SND1: variants seen among roughly 807,000 people sequenced by gnomAD.
The protein encoded by SND1 is staphylococcal nuclease domain-containing protein 1.
SND1 carries 38 observed loss-of-function variants against 121.7 expected under a neutral mutation model. The ratio of observed to expected loss-of-function variants is 0.31; its 90% CI spans 0.24 to 0.41. The LOEUF (loss-of-function observed/expected upper bound fraction) is 0.41, where lower values mean the gene tolerates loss of function less well. Ranked by LOEUF, SND1 falls within the 10% of genes least tolerant of loss-of-function variation. The probability of loss-of-function intolerance (pLI) is 1.00; values close to 1 mark genes in which losing one functional copy is unlikely to be tolerated. For missense variants in SND1, 868 were observed against 1,184.6 expected, an observed-to-expected ratio of 0.73 and a Z score of 3.92; for synonymous variants, 401 against 447.4, an observed-to-expected ratio of 0.90 and a Z score of 1.31.
chr7:127,856,013 T>A (rs1799265972), intron 12 of SND1, among the ~76,000 whole-genome samples: 1 of 152,220 alleles, frequency 6.6e-6, no homozygotes, highest in African/African-American at 2.4e-5. Context: ...TGTATTAGTC[T>A]CCTCACATCA....
chr7:127,855,221 G>A (rs1799252643), intron 12 of SND1, among the ~76,000 whole-genome samples: 1 of 152,002 alleles, frequency 6.6e-6, no homozygotes, highest in Admixed American at 6.6e-5. Flanking sequence ...GTGGGCTCAG[G>A]TGATCCTCCC....
intron 13 of SND1, among the ~76,000 whole-genome samples, chr7:127,891,742 C>T (rs1180527819): frequency 1.3e-5 from 2 of 152,128 alleles, no homozygotes; most frequent in Admixed American, 6.6e-5. Context: ...CCCCAAGTCT[C>T]TCACTGCTTG....
At chr7:127,658,862 C>T (rs975560167) in intron 1 of SND1, among the ~76,000 whole-genome samples, 4 of 152,134 alleles carry the variant, frequency 2.6e-5, no homozygotes, top group African/African-American at 9.7e-5. Context: ...AGAAAATTGG[C>T]CAGGTTTTTG....
intron 13 of SND1, among the ~76,000 whole-genome samples, chr7:127,892,717 T>G (rs1444618742): frequency 1.3e-5 from 2 of 152,104 alleles, no homozygotes; most frequent in Admixed American, 6.6e-5. Flanking sequence ...CTTCTTTATC[T>G]CATAGACTTC....
intron 16 of SND1, among the ~76,000 whole-genome samples, chr7:128,038,531 G>A (rs1017626093): frequency 6.6e-6 from 1 of 152,168 alleles, no homozygotes; most frequent in East Asian, 1.9e-4. Context: ...TACGGAAACC[G>A]GTATAGAAGA....
chr7:128,050,581 A>G (rs1793028523), intron 16 of SND1, among the ~76,000 whole-genome samples: 1 of 152,098 alleles, frequency 6.6e-6, no homozygotes, highest in African/African-American at 2.4e-5. Context: ...ATCCCCAGCA[A>G]TTTTGCCATT....
At chr7:128,028,821 T>C (rs1792480640) in intron 16 of SND1, 1 of 1,614,068 alleles carries the variant, frequency 6.2e-7, no homozygotes. Flanking sequence ...GTAGGTGTTG[T>C]AGTTAATATG....
intron 10 of SND1, among the ~76,000 whole-genome samples, chr7:127,723,891 A>G (rs901494868): frequency 5.9e-5 from 9 of 152,268 alleles, no homozygotes; most frequent in African/African-American, 2.2e-4. Context: ...TTTAATGAAT[A>G]TGAAAAATAA....
intron 10 of SND1, among the ~76,000 whole-genome samples, chr7:127,760,694 A>G (rs545775066): frequency 2.0e-5 from 3 of 152,206 alleles, no homozygotes; most frequent in Non-Finnish European, 4.4e-5. Flanking sequence ...CTCTTTGCCA[A>G]CATTAAGGGA....
chr7:127,869,545 A>G (rs1404950008), intron 12 of SND1, among the ~76,000 whole-genome samples: 1 of 152,134 alleles, frequency 6.6e-6, no homozygotes, highest in Non-Finnish European at 1.5e-5. Context: ...TTAAAATCCC[A>G]TTGACTTTTT....
chr7:127,907,208 T>C (rs1800359311), intron 14 of SND1, among the ~76,000 whole-genome samples: 1 of 152,216 alleles, frequency 6.6e-6, no homozygotes, highest in Admixed American at 6.5e-5. Context: ...CCCTCTTTAA[T>C]AGAGGAGTTT....
chr7:128,034,715 C>T (rs1307367723), intron 16 of SND1, among the ~76,000 whole-genome samples: 1 of 152,202 alleles, frequency 6.6e-6, no homozygotes, highest in African/African-American at 2.4e-5. Context: ...CAAGCTCTGT[C>T]GAGCTCTACA....
chr7:128,074,752 G>A, intron 17 of SND1, 62 bp downstream of exon 17: 3 of 1,458,334 alleles, frequency 2.1e-6, no homozygotes, highest in South Asian at 1.3e-5. Flanking sequence ...CACTAATGCT[G>A]CTGCCTCCAG....
At chr7:128,046,238 T>C (rs1310880209) in intron 16 of SND1, among the ~76,000 whole-genome samples, 1 of 151,996 alleles carries the variant, frequency 6.6e-6, no homozygotes, top group Non-Finnish European at 1.5e-5. Flanking sequence ...GCTGGGACTA[T>C]AGATGGGTGC....
chr7:127,822,629 A>G (rs1317139519), intron 11 of SND1, among the ~76,000 whole-genome samples: 1 of 152,148 alleles, frequency 6.6e-6, no homozygotes, highest in Non-Finnish European at 1.5e-5. Flanking sequence ...AAAAACCCCT[A>G]CCATTCAGGG....
intron 12 of SND1, among the ~76,000 whole-genome samples, chr7:127,872,935 A>G (rs1799624965): frequency 6.6e-6 from 1 of 152,198 alleles, no homozygotes; most frequent in Non-Finnish European, 1.5e-5. Context: ...GACCTACATC[A>G]CATTTACCTT....
intron 16 of SND1, chr7:127,999,092 A>C (rs964806412): frequency 6.6e-6 from 1 of 152,306 alleles, no homozygotes; most frequent in East Asian, 1.9e-4. Flanking sequence ...ATATGGGCTG[A>C]CTGGTGTAGG....
chr7:128,058,259 G>A (rs1169628569), intron 16 of SND1, among the ~76,000 whole-genome samples: 4 of 152,268 alleles, frequency 2.6e-5, no homozygotes, highest in Admixed American at 2.6e-4. Context: ...CTCACTACAT[G>A]TGCTTAGCAC....
chr7:127,966,221 C>A (rs560080227), intron 15 of SND1, among the ~76,000 whole-genome samples: 12 of 151,952 alleles, frequency 7.9e-5, no homozygotes, highest in African/African-American at 1.5e-4. Flanking sequence ...GAGTGACCTA[C>A]AAAGAGCCTT....
Sources: allele counts gnomAD v4.1 joint callset (sites outside exome capture counted in the v4.1 genomes callset), GRCh38; gene constraint gnomAD v4.1.1; transcripts MANE v1.5; gene names NCBI Gene and HGNC (gene_info 2026-07-23, HGNC 2026-07-21).